Variants in MAT1A observed in about 807,000 individuals in gnomAD.
The protein encoded by MAT1A is methionine adenosyltransferase 1A.
In MAT1A, 19 loss-of-function variants were observed where a neutral mutation model predicts 44.0. That is an observed-to-expected ratio of 0.43 (90% CI 0.30 to 0.63). The LOEUF is 0.63. MAT1A is among the 30% of genes least tolerant of loss of function. The probability of loss-of-function intolerance (pLI) is 0.12; values close to 1 mark genes in which losing one functional copy is unlikely to be tolerated. For missense variants in MAT1A, 397 were observed against 531.0 expected (o/e 0.75, Z 2.48); for synonymous variants, 205 against 205.6 (o/e 1.00, Z 0.03).
intron 4 of MAT1A, 54 bp from the exon 5 acceptor site, chr10:80,280,370 G>C (rs543308835): frequency 6.2e-7 from 1 of 1,607,318 alleles, no homozygotes; most frequent in Non-Finnish European, 8.5e-7. Flanking sequence ...GAGGACCGCA[G>C]CTCTCTCCAA....
chr10:80,276,296 T>C, intron 6 of MAT1A, 80 bp downstream of exon 6: 2 of 1,438,446 alleles, frequency 1.4e-6, no homozygotes, highest in Non-Finnish European at 9.8e-7. Flanking sequence ...AAGCTATCTC[T>C]TGAGGTTTTC....
chr10:80,284,121 A>G (rs187705533), intron 2 of MAT1A, 83 bp from the exon 3 acceptor site: 64 of 1,543,434 alleles, frequency 4.1e-5, no homozygotes, highest in Non-Finnish European at 5.5e-5. Context: ...CTCACAGTGC[A>G]GACAGAAAAG....
At chr10:80,280,837 G>C in intron 3 of MAT1A, 45 bp from the exon 4 acceptor site, 1 of 1,424,910 alleles carries the variant, frequency 7.0e-7, no homozygotes, top group Non-Finnish European at 9.9e-7. Flanking sequence ...AGGTCAGAAG[G>C]AGGGGGCCAC....
chr10:80,280,424 T>C (rs1223430606), intron 4 of MAT1A, 108 bp from the exon 5 acceptor site: 9 of 1,371,086 alleles, frequency 6.6e-6, no homozygotes, highest in Non-Finnish European at 9.2e-6. Flanking sequence ...GGGTGCCTCC[T>C]CCATGGAGCT....
At chr10:80,274,867 GC>G in intron 7 of MAT1A, 149 bp downstream of exon 7, 1 of 1,217,430 alleles carries the variant, frequency 8.2e-7, no homozygotes, top group Non-Finnish European at 1.2e-6. Flanking sequence ...GGTTTTCAGA[GC>G]CCTGGCCACA....
chr10:80,278,814 G>A (rs1463223163), intron 5 of MAT1A, among the ~76,000 whole-genome samples: 1 of 152,220 alleles, frequency 6.6e-6, no homozygotes, highest in Non-Finnish European at 1.5e-5. Context: ...AACACCATGG[G>A]TGCCAGATTC....
rs776868024 is a variant in MAT1A at position 80,273,211 on chromosome 10, A to T, written c.*570T>A. On this transcript the variant is annotated 3_prime_UTR_variant, in exon 9 of 9. Coordinates refer to ENST00000372213, the MANE Select transcript of MAT1A (RefSeq NM_000429.3). ...AAAAGGTACTACCTCATCATGTTGC[A>T]GTGAAGAAAAAACGAGATCAGTTAT... 2 of 164,018 alleles carry T rather than the reference A, an allele frequency of 1.2e-5. No individual in the cohort carries two copies. The highest frequency in any genetic ancestry group is 1.1e-4 in the Admixed American group (2 of 17,514). The allele number at this position is 164,018 out of a possible 1,614,324, so 10.2% of individuals were successfully genotyped here.
Position 80,280,780 on chromosome 10 carries a change from T to G in MAT1A, c.305A>C (p.Lys102Thr). The G allele has an allele frequency of 6.2e-7, 1 of 1,614,058 alleles. No homozygotes were observed. Among genetic ancestry groups the G allele is most frequent in the Non-Finnish European group, 8.5e-7 (1 of 1,179,912 alleles). ...CAAAGCCACCAGCACGTTGCAAGTCTTGAAGTCAAAGCCTAGGCGGAAGCA... is the reference window on the plus strand; with the variant it reads ...CAAAGCCACCAGCACGTTGCAAGTCGTGAAGTCAAAGCCTAGGCGGAAGCA... ...YDDSAKGFDF[K>T]TCNVLVALEQ... The change falls in exon 4 of 9, where the codon AAG (lysine) becomes ACG (threonine). Residue 102 changes from lysine to threonine, a missense_variant. Physicochemically the swap from Lys to Thr is moderately conservative, Grantham distance 78 (BLOSUM62 -1). Transcript: ENST00000372213.
intron 1 of MAT1A, among the ~76,000 whole-genome samples, chr10:80,288,274 G>A (rs139255751): frequency 6.6e-6 from 1 of 152,198 alleles, no homozygotes; most frequent in African/African-American, 2.4e-5. Flanking sequence ...GTCTCCAAGA[G>A]CAGTGGTTCT....
chr10:80,280,098 C>G, intron 5 of MAT1A, 75 bp downstream of exon 5: 2 of 1,528,484 alleles, frequency 1.3e-6, no homozygotes, highest in Non-Finnish European at 1.8e-6. Context: ...AAAAATGACA[C>G]AATCAAGAAT....
intron 3 of MAT1A, among the ~76,000 whole-genome samples, chr10:80,282,431 C>T (rs1841579351): frequency 6.6e-6 from 1 of 152,250 alleles, no homozygotes. Context: ...CACGGCTGGG[C>T]TCTCGCTCAT....
chr10:80,285,584 T>A lies in MAT1A; in HGVS notation c.97A>T (p.Ile33Phe), dbSNP rs1188109471. ...ACTGCATCACTGATCTGGTCACAGA[T>A]CTTATCTGGACAAGAGCAAATATGG... ...ESVGEGHPDK[I>F]CDQISDAVLD... Residue 33 changes from isoleucine (I) to phenylalanine (F), a missense_variant, in exon 2 of 9, where the codon ATC (isoleucine) becomes TTC (phenylalanine). Coordinates refer to ENST00000372213, the MANE Select transcript of MAT1A (RefSeq NM_000429.3). The A allele has an allele frequency of 6.2e-7, 1 of 1,612,600 alleles. No individual in the cohort carries two copies. The highest frequency in any genetic ancestry group is 1.1e-5 in the South Asian group (1 of 91,060).
Position 80,273,720 on chromosome 10 carries a change from G to T in MAT1A, c.*61C>A. On this transcript the variant is annotated 3_prime_UTR_variant, in exon 9 of 9. Transcript: ENST00000372213. ...AGGCGATCAGCAGCCAGGCGTCTGG[G>T]GAAGAGGAGCATGGCCACCAGGTGC... 8.2e-7 allele frequency: 1 copy of T among 1,215,642 alleles called. No individual in the cohort carries two copies. The allele number at this position is 1,215,642 out of a possible 1,614,324, so 75.3% of individuals were successfully genotyped here. A position where few individuals can be genotyped will look rare whatever the true frequency, so the allele number is the denominator to read the frequency against.
At chr10:80,288,310 G>A (rs73301418) in intron 1 of MAT1A, among the ~76,000 whole-genome samples, 5,346 of 152,202 alleles carry the variant, frequency 0.035, 299 homozygotes, top group African/African-American at 0.12. Flanking sequence ...GCATCTCCTG[G>A]GAACTTGTCA....
Position 80,273,522 on chromosome 10 carries a change from C to G in MAT1A, c.*259G>C. 6.1e-6 allele frequency: 3 copies of G among 489,010 alleles called. No homozygotes were observed. The South Asian group carries it at 6.2e-5, about 10-fold the overall frequency. 30.3% of individuals were successfully genotyped at this position (489,010 alleles called of 1,614,324 possible). On this transcript the variant is annotated 3_prime_UTR_variant, in exon 9 of 9. Transcript: ENST00000372213. ...ACTCTTGACGGGGGTGCCTTTTCCA[C>G]TAAATTAACATTGCCCCAGTCTGAG...
rs1348059843 is a variant in MAT1A, at chr10:80,289,634, T to C, written c.-211A>G. 3 of 604,706 alleles carry C rather than the reference T, an allele frequency of 5.0e-6. No individual in the cohort carries two copies. The highest frequency in any genetic ancestry group is 3.7e-5 in the South Asian group (2 of 54,632). 37.5% of individuals were successfully genotyped at this position (604,706 alleles called of 1,614,324 possible). On this transcript the variant is annotated 5_prime_UTR_variant, in exon 1 of 9. Coordinates refer to ENST00000372213, the MANE Select transcript of MAT1A (RefSeq NM_000429.3). ...GGGAGGGAGTGGATGGAACACGGGA[T>C]GTGTCCCTCCCTCCAGCTTGCCACA... is the stretch of plus-strand genomic sequence containing the variant.
Position 80,276,375 on chromosome 10 carries a change from C to A in MAT1A, c.768+1G>T, listed in dbSNP as rs1841485372. The A allele has an allele frequency of 1.9e-6, 3 of 1,614,040 alleles. No homozygotes were observed. Among genetic ancestry groups the A allele is most frequent in the Non-Finnish European group, 1.7e-6 (2 of 1,180,020 alleles). On this transcript the variant is annotated splice_donor_variant, in intron 6 of 8. Coordinates refer to ENST00000372213, the MANE Select transcript of MAT1A (RefSeq NM_000429.3). LOFTEE classifies it high-confidence loss of function. ...GGCTTCGTTCAGAGACAAGAATGCA[C>A]CTGGGGACCTCCGATGACAAACCGC...
In MAT1A at chr10:80,273,514, C is replaced by G. The variant is rs1841438539; in HGVS notation, c.*267G>C. ...GGGAATTCACTCTTGACGGGGGTGC[C>G]TTTTCCACTAAATTAACATTGCCCC... On this transcript the variant is annotated 3_prime_UTR_variant, in exon 9 of 9. Coordinates refer to ENST00000372213, the MANE Select transcript of MAT1A (RefSeq NM_000429.3). 2.1e-6 allele frequency: 1 copy of G among 470,962 alleles called. No individual in the cohort carries two copies. The highest frequency in any genetic ancestry group is 3.9e-6 in the Non-Finnish European group (1 of 255,270). 29.2% of individuals were successfully genotyped at this position (470,962 alleles called of 1,614,324 possible).
At chr10:80,283,812 G>A in intron 3 of MAT1A, 104 bp downstream of exon 3, 1 of 1,537,860 alleles carries the variant, frequency 6.5e-7, no homozygotes, top group Non-Finnish European at 9.0e-7. Context: ...CCTCCTGGTA[G>A]TATTGATGCT....
Sources: allele counts gnomAD v4.1 joint callset (sites outside exome capture counted in the v4.1 genomes callset), GRCh38; gene constraint gnomAD v4.1.1; transcripts MANE v1.5; gene names NCBI Gene and HGNC (gene_info 2026-07-23, HGNC 2026-07-21).